LYRM4: variants seen among roughly 807,000 people sequenced by gnomAD.
LYRM4 encodes the protein LYR motif containing 4, also known as LYR motif-containing protein 4.
A neutral mutation model predicts 11.7 loss-of-function variants in LYRM4; 9 were observed. That is an observed-to-expected ratio of 0.77 (90% CI 0.46 to 1.34). The LOEUF (loss-of-function observed/expected upper bound fraction) is 1.34. LYRM4 is among the 40% of genes most tolerant of loss of function. The pLI, the probability that LYRM4 is intolerant of heterozygous loss-of-function variation, is 0.00. For missense variants in LYRM4, 133 were observed against 112.5 expected (o/e 1.18, Z -0.82); for synonymous variants, 42 against 40.4 (o/e 1.04, Z -0.15).
intron 2 of LYRM4, among the ~76,000 whole-genome samples, chr6:5,113,996 G>A (rs185326985): frequency 5.3e-4 from 81 of 152,328 alleles, no homozygotes; most frequent in Admixed American, 3.2e-3. Flanking sequence ...TCCTTATGGG[G>A]TCAGTGCACA....
chr6:5,253,001 T>C (rs1476808622), intron 1 of LYRM4, among the ~76,000 whole-genome samples: 1 of 152,238 alleles, frequency 6.6e-6, no homozygotes, highest in African/African-American at 2.4e-5. Flanking sequence ...AGGTGGCACT[T>C]AGGAGACCAG....
At chr6:5,170,127 C>T (rs1759337469) in intron 2 of LYRM4, among the ~76,000 whole-genome samples, 1 of 152,158 alleles carries the variant, frequency 6.6e-6, no homozygotes, top group African/African-American at 2.4e-5. Flanking sequence ...TATGGGATTC[C>T]CACCTGGCAT....
chr6:5,131,419 G>T (rs939546574), intron 2 of LYRM4, among the ~76,000 whole-genome samples: 3 of 152,190 alleles, frequency 2.0e-5, no homozygotes, highest in Admixed American at 2.0e-4. Flanking sequence ...TTTGTGTCTG[G>T]CTGGGTGCAA....
rs1764119914 is a variant in LYRM4, at chr6:5,245,116, ATATATATATATATATATATATAT to A, written c.86+15509_86+15531del. Among the ~76,000 whole-genome samples, 42 of 14,716 alleles carry A rather than the reference ATATATATATATATATATATATAT, an allele frequency of 2.9e-3. 4 individuals are homozygous for A. The highest frequency in any genetic ancestry group is 0.077 in the Middle Eastern group (2 of 26). 9.7% of individuals were successfully genotyped at this position (14,716 alleles called of 152,430 possible). A position where few individuals can be genotyped will look rare whatever the true frequency, so the allele number is the denominator to read the frequency against. The stretch of plus-strand genomic sequence containing the variant: ...AAAAAAAAAAAAAAAAAAAAAAAAT[ATATATATATATATATATATATAT>A]ATATATATATATATATATATATATA... On this transcript the variant is annotated intron_variant, in intron 1 of 2. Transcript: ENST00000330636.
At chr6:5,072,396 C>T in the LYRM4 span, among the ~76,000 whole-genome samples, 5 of 152,086 alleles carry the variant, frequency 3.3e-5, no homozygotes, top group Admixed American at 1.3e-4. Flanking sequence ...TCTGAGGAAT[C>T]GCCACACTGT....
chr6:5,096,000 A>T, the LYRM4 span, among the ~76,000 whole-genome samples: 1 of 152,100 alleles, frequency 6.6e-6, no homozygotes, highest in Non-Finnish European at 1.5e-5. Flanking sequence ...AAAACAAAAA[A>T]CAAAACAAAA....
chr6:5,257,639 C>T (rs190276288), intron 1 of LYRM4, among the ~76,000 whole-genome samples: 17 of 152,216 alleles, frequency 1.1e-4, no homozygotes, highest in African/African-American at 1.9e-4. Context: ...GTCAGATCAG[C>T]GGCGGCATTA....
At chr6:5,070,869 G>GAAA in the LYRM4 span, among the ~76,000 whole-genome samples, 2 of 48,062 alleles carry the variant, frequency 4.2e-5, no homozygotes, top group Non-Finnish European at 4.2e-5. Context: ...ACCCTGTCTT[G>GAAA]AAAAAAAAAA....
At chr6:5,113,209 T>A in intron 2 of LYRM4, 1 of 346,812 alleles carries the variant, frequency 2.9e-6, no homozygotes, top group Non-Finnish European at 5.9e-6. Flanking sequence ...TCGAGACGGG[T>A]GGATCACGAG....
the LYRM4 span, among the ~76,000 whole-genome samples, chr6:5,083,068 G>A: frequency 1.3e-5 from 2 of 152,010 alleles, no homozygotes; most frequent in East Asian, 1.9e-4. Flanking sequence ...CATTTCCACC[G>A]CACAGAGGAG....
chr6:5,200,934 C>T (rs892318501), intron 2 of LYRM4, among the ~76,000 whole-genome samples: 2 of 152,152 alleles, frequency 1.3e-5, no homozygotes, highest in African/African-American at 4.8e-5. Context: ...TTTGTTCACC[C>T]AGTAATACCG....
the LYRM4 span, among the ~76,000 whole-genome samples, chr6:5,037,665 G>A: frequency 2.2e-5 from 1 of 46,170 alleles, no homozygotes; most frequent in African/African-American, 5.5e-5. Flanking sequence ...CCTCCCGGAC[G>A]GGGCGGCCGG....
intron 2 of LYRM4, among the ~76,000 whole-genome samples, chr6:5,138,120 T>C (rs1214523759): frequency 6.6e-6 from 1 of 152,114 alleles, no homozygotes; most frequent in Non-Finnish European, 1.5e-5. Context: ...CAAGGGGCAC[T>C]GAGGAGGATT....
At chr6:5,107,241 C>G (rs1023300890), downstream of LYRM4, 1 of 152,278 alleles carries the variant, frequency 6.6e-6, no homozygotes, top group African/African-American at 2.4e-5. Context: ...CCTGCTGTTA[C>G]AGCCTGCAGC....
intron 2 of LYRM4, among the ~76,000 whole-genome samples, chr6:5,154,553 A>C (rs1361248750): frequency 6.6e-6 from 1 of 152,042 alleles, no homozygotes; most frequent in Admixed American, 6.5e-5. Flanking sequence ...GCGGTGGCTC[A>C]AGCCTGTAAT....
intron 1 of LYRM4, among the ~76,000 whole-genome samples, chr6:5,245,056 G>C (rs1764077442): frequency 8.8e-6 from 1 of 113,700 alleles, no homozygotes; most frequent in African/African-American, 3.3e-5. Context: ...CAAGGACAAA[G>C]GAATCATGCT....
chr6:5,257,061 C>T (rs1222848390), intron 1 of LYRM4, among the ~76,000 whole-genome samples: 1 of 152,134 alleles, frequency 6.6e-6, no homozygotes, highest in Admixed American at 6.5e-5. Context: ...TAATCAACTC[C>T]CATTTGATGT....
chr6:5,140,298 G>A (rs1047726102), intron 2 of LYRM4, among the ~76,000 whole-genome samples: 2 of 151,990 alleles, frequency 1.3e-5, no homozygotes, highest in African/African-American at 4.8e-5. Flanking sequence ...TTCACAGGCT[G>A]CCTGATTTGC....
the LYRM4 span, chr6:5,033,085 C>G: frequency 1.8e-4 from 27 of 152,284 alleles, no homozygotes; most frequent in Admixed American, 9.2e-4. Context: ...TCCCCTCCCC[C>G]ACTCCCGTGG....
Sources: allele counts gnomAD v4.1 joint callset (sites outside exome capture counted in the v4.1 genomes callset), GRCh38; gene constraint gnomAD v4.1.1; transcripts MANE v1.5; gene names NCBI Gene and HGNC (gene_info 2026-07-23, HGNC 2026-07-21).